Variants in ATM observed in about 807,000 individuals in gnomAD.
ATM encodes the protein serine-protein kinase ATM.
ATM carries 308 observed loss-of-function variants against 387.0 expected under a neutral mutation model. That is an observed-to-expected ratio of 0.80 (90% CI 0.73 to 0.87). The LOEUF is 0.87. Ranked by LOEUF, ATM falls within the 40% of genes least tolerant of loss-of-function variation. The pLI is 0.00. For synonymous variants in ATM, 1,156 were observed against 1,187.3 expected (o/e 0.97, Z 0.54); for missense variants, 3,312 against 3,560.9 (o/e 0.93, Z 1.78).
rs2135265647 is a variant in ATM, at chr11:108,247,004, C to G, written c.942C>G (p.Asn314Lys). ...CAAAATGGAGAAGTATTTTATACAA[C>G]TTATATGATCTGCTAGTGAATGAGA... ...ESTKWRSILY[N>K]LYDLLVNEIS... Residue 314 changes from asparagine to lysine, a missense_variant, in exon 8 of 63, where the codon AAC becomes AAG. Asn to Lys is a moderately conservative substitution (Grantham distance 94). Around this residue, in one of 4 missense-constraint regions of ATM, gnomAD observed 1,791 missense variants for 1,804.5 expected, o/e 0.99. Coordinates refer to ENST00000675843, the MANE Select transcript of ATM (RefSeq NM_000051.4). The G allele has an allele frequency of 6.2e-7, 1 of 1,612,918 alleles. No homozygotes were observed. The highest frequency in any genetic ancestry group is 8.5e-7 in the Non-Finnish European group (1 of 1,179,194).
chr11:108,242,230 G>A (rs2079599666), intron 5 of ATM, among the ~76,000 whole-genome samples: 1 of 152,164 alleles, frequency 6.6e-6, no homozygotes, highest in Admixed American at 6.5e-5. Context: ...GAAACACTAT[G>A]AACATCTATT....
intron 1 of ATM, chr11:108,227,352 A>G (rs2078791064): frequency 2.5e-6 from 1 of 403,026 alleles, no homozygotes; most frequent in South Asian, 3.2e-5. Context: ...ACTGCAAGCA[A>G]GGCAAACATT....
intron 1 of ATM, chr11:108,226,628 ACCT>A (rs2134987321): frequency 6.6e-6 from 1 of 152,230 alleles, no homozygotes. Context: ...AGCTCTGATA[ACCT>A]CCTACTTATC....
intron 51 of ATM, 24 bp downstream of exon 51, chr11:108,331,581 C>A (rs1161423460): frequency 2.5e-6 from 4 of 1,582,978 alleles, no homozygotes; most frequent in Non-Finnish European, 2.6e-6. Context: ...AAAATCAAAC[C>A]ACAATAATTA....
At chr11:108,224,990 T>C (rs1253210129) in intron 1 of ATM, 2 of 152,230 alleles carry the variant, frequency 1.3e-5, no homozygotes, top group Admixed American at 6.5e-5. Context: ...TGTTTTGTTT[T>C]CTTCAAAGTA....
chr11:108,245,939 C>T (rs1437659439), intron 7 of ATM, among the ~76,000 whole-genome samples: 1 of 151,666 alleles, frequency 6.6e-6, no homozygotes, highest in East Asian at 1.9e-4. Flanking sequence ...ATTCTCCTGC[C>T]TCAGCGTTCT....
chr11:108,298,601 T>G (rs1256974294), intron 33 of ATM, among the ~76,000 whole-genome samples: 1 of 152,220 alleles, frequency 6.6e-6, no homozygotes, highest in Non-Finnish European at 1.5e-5. Flanking sequence ...ATGTGGTTTG[T>G]TCTCACAGCT....
rs1297882250 is a variant in ATM at position 108,329,055 on chromosome 11, G to A, written c.7124G>A (p.Ser2375Asn). The A allele has an allele frequency of 1.9e-6, 3 of 1,614,112 alleles. No homozygotes were observed. Among genetic ancestry groups the A allele is most frequent in the Non-Finnish European group, 2.5e-6 (3 of 1,180,010 alleles). The change falls in exon 49 of 63, where the codon AGT (serine) becomes AAT (asparagine). Residue 2375 changes from serine (S) to asparagine (N), a missense_variant. Ser to Asn is a conservative substitution (Grantham distance 46). Coordinates refer to ENST00000675843, the MANE Select transcript of ATM (RefSeq NM_000051.4). ...GTTGCTGGAAATTATGATGGAGAAA[G>A]TAGTGATGAGCTAAGAAATGGAAAA... is the stretch of plus-strand genomic sequence containing the variant. ...VEVAGNYDGE[S>N]SDELRNGKMK...
intron 34 of ATM, among the ~76,000 whole-genome samples, chr11:108,300,808 T>C (rs1365559908): frequency 6.6e-6 from 1 of 152,082 alleles, no homozygotes; most frequent in East Asian, 1.9e-4. Context: ...CTATATTTTA[T>C]GCTGTCCTTG....
At chr11:108,248,223 A>G (rs1381831115) in intron 8 of ATM, among the ~76,000 whole-genome samples, 2 of 152,166 alleles carry the variant, frequency 1.3e-5, no homozygotes, top group Non-Finnish European at 2.9e-5. Flanking sequence ...TTCTTAAATA[A>G]AACTCTGTTC....
In ATM at chr11:108,331,453, A is replaced by G. The variant is rs979101125; in HGVS notation, c.7525A>G (p.Met2509Val). 3 of 1,613,078 alleles carry G rather than the reference A, an allele frequency of 1.9e-6. No homozygotes were observed. In the African/African-American group the frequency reaches 4.0e-5, roughly 22 times the overall value. Residue 2509 changes from methionine to valine, a missense_variant, in exon 51 of 63, where the codon ATG becomes GTG. Coordinates refer to ENST00000675843, the MANE Select transcript of ATM (RefSeq NM_000051.4). ...TTTTTTTTAATGGTAGAGAGACGGA[A>G]TGAAGATTCCAACATATAAATTTTT... ...EVNGMMKRDG[M>V]KIPTYKFLPL...
intron 5 of ATM, among the ~76,000 whole-genome samples, chr11:108,239,167 C>G (rs1430627597): frequency 6.6e-6 from 1 of 152,112 alleles, no homozygotes; most frequent in African/African-American, 2.4e-5. Flanking sequence ...GATTAATGCC[C>G]TTATGAAAAG....
In ATM at chr11:108,327,741, C is replaced by T. The variant is rs1414969262; in HGVS notation, c.7072C>T (p.Gln2358Ter). ...TCLENPAVIMQTYLEKAVEVA... is the reference protein window; with the variant it reads ...TCLENPAVIM ...CTTAGAAAATCCTGCGGTCATCATG[C>T]AGACCTATCTAGAAAAGGTAAGATT... is the stretch of plus-strand genomic sequence containing the variant. The change falls in exon 48 of 63, where the codon CAG becomes TAG. Residue 2358 changes from glutamine to a stop codon, truncating the protein, a stop_gained. Coordinates refer to ENST00000675843, the MANE Select transcript of ATM (RefSeq NM_000051.4). LOFTEE classifies it high-confidence loss of function. The T allele has an allele frequency of 1.2e-6, 2 of 1,613,734 alleles. No individual in the cohort carries two copies. The highest frequency in any genetic ancestry group is 1.1e-5 in the South Asian group (1 of 91,078).
chr11:108,269,458 C>A (rs1408336668), intron 18 of ATM, among the ~76,000 whole-genome samples: 3 of 152,160 alleles, frequency 2.0e-5, no homozygotes, highest in African/African-American at 7.2e-5. Flanking sequence ...AAGCCAACAT[C>A]ACACAGTTTA....
chr11:108,257,435 C>T (rs761620396), intron 14 of ATM, 46 bp from the exon 15 acceptor site: 1 of 1,601,948 alleles, frequency 6.2e-7, no homozygotes, highest in Non-Finnish European at 8.5e-7. Flanking sequence ...CAATACTAAA[C>T]TATAATTTTA....
intron 61 of ATM, among the ~76,000 whole-genome samples, chr11:108,363,059 T>A (rs1168162894): frequency 6.6e-6 from 1 of 152,238 alleles, no homozygotes; most frequent in African/African-American, 2.4e-5. Context: ...TCCGTAAATC[T>A]GTCCGAATTT....
At position 108,368,288 on chromosome 11, in the gene ATM, CAAAAAA is replaced by C; in HGVS notation, c.*2792_*2797del. The C allele has an allele frequency of 3.2e-5, 3 of 94,800 alleles. No homozygotes were observed. The highest frequency in any genetic ancestry group is 1.6e-4 in the Admixed American group (1 of 6,340). 5.9% of individuals were successfully genotyped at this position (94,800 alleles called of 1,614,324 possible). ...TTGGCGACAGAGCAAGACTCTGCCT[CAAAAAA>C]AAAAAAAAAAAGGTTTTGGCAAGCT... On this transcript the variant is annotated 3_prime_UTR_variant, in exon 63 of 63. Transcript: ENST00000675843.
At chr11:108,264,282 C>A (rs1001840074) in intron 16 of ATM, among the ~76,000 whole-genome samples, 1 of 152,054 alleles carries the variant, frequency 6.6e-6, no homozygotes, top group African/African-American at 2.4e-5. Context: ...GCCTATCCAC[C>A]ATGATCAAGT....
chr11:108,343,696 C>G (rs1001186172), intron 57 of ATM, among the ~76,000 whole-genome samples: 1 of 152,144 alleles, frequency 6.6e-6, no homozygotes, highest in Non-Finnish European at 1.5e-5. Context: ...CCTGTAATCC[C>G]AGCTACTTGA....
Sources: allele counts gnomAD v4.1 joint callset (sites outside exome capture counted in the v4.1 genomes callset), GRCh38; gene constraint gnomAD v4.1.1; regional missense constraint gnomAD v4.1.1; transcripts MANE v1.5; gene names NCBI Gene and HGNC (gene_info 2026-07-23, HGNC 2026-07-21).